VTI1A: variants seen among roughly 807,000 people sequenced by gnomAD.
VTI1A encodes vesicle transport through interaction with t-SNAREs 1A.
In VTI1A, 22 loss-of-function variants were observed where a neutral mutation model predicts 34.9. The ratio of observed to expected loss-of-function variants is 0.63; its 90% CI spans 0.45 to 0.90. The LOEUF is 0.90. Ranked by LOEUF, VTI1A falls within the 40% of genes least tolerant of loss-of-function variation. The probability of loss-of-function intolerance (pLI) is 0.00; values close to 1 mark genes in which losing one functional copy is unlikely to be tolerated. For synonymous variants in VTI1A, 87 were observed against 97.3 expected, an observed-to-expected ratio of 0.89 and a Z score of 0.62; for missense variants, 268 against 275.6, an observed-to-expected ratio of 0.97 and a Z score of 0.20.
chr10:112,454,679 G>A (rs1302626247), intron 1 of VTI1A, among the ~76,000 whole-genome samples: 1 of 149,018 alleles, frequency 6.7e-6, no homozygotes, highest in Non-Finnish European at 1.5e-5. Flanking sequence ...AGACTTATGT[G>A]TATGTACATC....
intron 5 of VTI1A, among the ~76,000 whole-genome samples, chr10:112,605,183 G>A (rs562672885): frequency 1.3e-5 from 2 of 152,018 alleles, no homozygotes; most frequent in South Asian, 2.1e-4. Context: ...AGGCGACCTT[G>A]TCCAGGAGTG....
At chr10:112,576,270 T>C (rs1409444856) in intron 5 of VTI1A, among the ~76,000 whole-genome samples, 7 of 152,066 alleles carry the variant, frequency 4.6e-5, no homozygotes, top group Non-Finnish European at 7.4e-5. Flanking sequence ...TCCGCCCCGC[T>C]CGGCCTCCCA....
Position 112,523,646 on chromosome 10 carries a change from A to G in VTI1A, c.265-3441A>G, listed in dbSNP as rs1161198295. Among the ~76,000 whole-genome samples the G allele has an allele frequency of 2.0e-5, 3 of 152,088 alleles. No homozygotes were observed. The East Asian group carries it at 5.8e-4, about 29-fold the overall frequency. ...CTTTTCTACTCTTATGGTACAGACC[A>G]GAAATTGCAGTAGATTACAAACTGC... On this transcript the variant is annotated intron_variant, in intron 3 of 7. Coordinates refer to ENST00000393077, the MANE Select transcript of VTI1A (RefSeq NM_145206.4).
intron 7 of VTI1A, among the ~76,000 whole-genome samples, chr10:112,763,663 A>G (rs556174264): frequency 6.6e-6 from 1 of 152,298 alleles, no homozygotes; most frequent in Non-Finnish European, 1.5e-5. Flanking sequence ...GAGACTTCGT[A>G]GCCCTGTGTT....
chr10:112,655,480 TG>T, intron 5 of VTI1A, among the ~76,000 whole-genome samples: 1 of 151,960 alleles, frequency 6.6e-6, no homozygotes. Flanking sequence ...ACAAACATGT[TG>T]GATTGCATAG....
At chr10:112,550,349 GT>G (rs56846103) in intron 5 of VTI1A, among the ~76,000 whole-genome samples, 110,483 of 142,248 alleles carry the variant, frequency 0.78, 42,728 homozygotes, top group African/African-American at 0.83. Flanking sequence ...GTGCCAGAAG[GT>G]TTTTTTTTTT....
chr10:112,647,289 T>C (rs751403541), intron 5 of VTI1A, among the ~76,000 whole-genome samples: 3 of 152,218 alleles, frequency 2.0e-5, no homozygotes, highest in Non-Finnish European at 4.4e-5. Flanking sequence ...AATAGCTGTT[T>C]AGCGCTTTGA....
intron 4 of VTI1A, among the ~76,000 whole-genome samples, chr10:112,530,845 T>G (rs1178816528): frequency 6.6e-6 from 1 of 152,104 alleles, no homozygotes; most frequent in East Asian, 1.9e-4. Flanking sequence ...AGCAGATCAT[T>G]ACCAGGCACA....
At chr10:112,605,344 A>G (rs1052813328) in intron 5 of VTI1A, among the ~76,000 whole-genome samples, 5 of 152,236 alleles carry the variant, frequency 3.3e-5, no homozygotes, top group Admixed American at 6.5e-5. Context: ...AGAAATTTAC[A>G]GAAGAACCAA....
At chr10:112,575,745 A>G in intron 5 of VTI1A, among the ~76,000 whole-genome samples, 1 of 152,254 alleles carries the variant, frequency 6.6e-6, no homozygotes, top group Non-Finnish European at 1.5e-5. Flanking sequence ...AGGAACATTC[A>G]TAAAATCATT....
At chr10:112,551,029 G>A (rs1332168638) in intron 5 of VTI1A, among the ~76,000 whole-genome samples, 1 of 152,060 alleles carries the variant, frequency 6.6e-6, no homozygotes, top group Non-Finnish European at 1.5e-5. Context: ...GGATCACGAG[G>A]TCGGGAGATG....
At position 112,811,712 on chromosome 10, in the gene VTI1A, A is replaced by AAAAAAAAAAAAAAAAAAGAT. The variant is rs67154330; in HGVS notation, c.561-3578_561-3577insAAAAAAAAAAAAAAAAAGAT. ...AAAAAAAAAAAAAAAAAAAAAAAAA[A>AAAAAAAAAAAAAAAAAAGAT]GAGTGCAGTCCATGCCTGGAAGTAG... On this transcript the variant is annotated intron_variant, in intron 7 of 7. Coordinates refer to ENST00000393077, the MANE Select transcript of VTI1A (RefSeq NM_145206.4). Among the ~76,000 whole-genome samples the AAAAAAAAAAAAAAAAAAGAT allele has an allele frequency of 2.1e-4, 18 of 84,044 alleles. 7 individuals are homozygous for AAAAAAAAAAAAAAAAAAGAT. Among genetic ancestry groups the AAAAAAAAAAAAAAAAAAGAT allele is most frequent in the African/African-American group, 8.5e-4 (18 of 21,076 alleles). The allele number at this position is 84,044 out of a possible 152,430, so 55.1% of individuals were successfully genotyped here.
intron 5 of VTI1A, among the ~76,000 whole-genome samples, chr10:112,542,454 C>T (rs74158738): frequency 6.6e-6 from 1 of 152,152 alleles, no homozygotes; most frequent in East Asian, 1.9e-4. Flanking sequence ...CAAGTTGTCA[C>T]CCCTTCTCTC....
At chr10:112,846,913 T>C in the VTI1A span, among the ~76,000 whole-genome samples, 2 of 152,272 alleles carry the variant, frequency 1.3e-5, no homozygotes, top group African/African-American at 4.8e-5. Flanking sequence ...CAAGATATAC[T>C]TTGGTTCAGG....
intron 5 of VTI1A, among the ~76,000 whole-genome samples, chr10:112,601,665 A>G (rs1844884541): frequency 6.6e-6 from 1 of 152,174 alleles, no homozygotes; most frequent in African/African-American, 2.4e-5. Flanking sequence ...AATGGGTAAT[A>G]CGAATTCATC....
chr10:112,757,921 A>G (rs993735805), intron 7 of VTI1A, among the ~76,000 whole-genome samples: 3 of 152,312 alleles, frequency 2.0e-5, no homozygotes, highest in East Asian at 1.9e-4. Flanking sequence ...TGAACATTTT[A>G]TATGTTATAA....
In VTI1A at chr10:112,594,734, C is replaced by T. The variant is rs1219172727; in HGVS notation, c.427+56404C>T. Among the ~76,000 whole-genome samples the T allele has an allele frequency of 5.3e-5, 8 of 151,636 alleles. 1 individual carries two copies. Among genetic ancestry groups the T allele is most frequent in the African/African-American group, 1.7e-4 (7 of 41,358 alleles). The stretch of plus-strand genomic sequence containing the variant: ...CAACATCGTGAAAATGGCCATACTG[C>T]CCAAGGTAATTTATAGATTCAATGC... On this transcript the variant is annotated intron_variant, in intron 5 of 7. Coordinates refer to ENST00000393077, the MANE Select transcript of VTI1A (RefSeq NM_145206.4).
intron 7 of VTI1A, among the ~76,000 whole-genome samples, chr10:112,696,975 C>T (rs1307120326): frequency 1.3e-5 from 2 of 152,166 alleles, no homozygotes; most frequent in African/African-American, 4.8e-5. Flanking sequence ...TAAAGCATTC[C>T]ATGATCTTGA....
At chr10:112,749,000 G>A (rs144105267) in intron 7 of VTI1A, among the ~76,000 whole-genome samples, 158 of 152,216 alleles carry the variant, frequency 1.0e-3, no homozygotes, top group African/African-American at 3.7e-3. Context: ...TAGTTCATTC[G>A]AATTATGGAA....
Sources: gnomAD v4.1 joint callset for allele counts (sites outside exome capture counted in the v4.1 genomes callset) on GRCh38, gnomAD v4.1.1 for gene constraint, MANE v1.5 for transcripts, NCBI Gene and HGNC (gene_info 2026-07-23, HGNC 2026-07-21) for gene names.